CLCA4: variants seen among roughly 807,000 people sequenced by gnomAD.
The protein encoded by CLCA4 is chloride channel accessory 4, also known as calcium-activated chloride channel regulator 4.
Under a neutral mutation model 78.9 loss-of-function variants are expected in CLCA4, and 69 were observed. The ratio of observed to expected loss-of-function variants is 0.87; its 90% CI spans 0.72 to 1.07. The LOEUF (loss-of-function observed/expected upper bound fraction) is 1.07, where lower values mean the gene tolerates loss of function less well. Among genes scored for constraint, CLCA4 ranks in the 50% least tolerant of loss-of-function variants. The pLI, the probability that CLCA4 is intolerant of heterozygous loss-of-function variation, is 0.00. For missense variants in CLCA4, 1,133 were observed against 1,095.8 expected, an observed-to-expected ratio of 1.03 and a Z score of -0.48; for synonymous variants, 362 against 375.8, an observed-to-expected ratio of 0.96 and a Z score of 0.42.
Position 86,565,824 on chromosome 1 carries a change from A to T in CLCA4, c.758A>T (p.Lys253Ile). 6.5e-7 allele frequency: 1 copy of T among 1,535,054 alleles called. No homozygotes were observed. Among genetic ancestry groups the T allele is most frequent in the Non-Finnish European group, 8.8e-7 (1 of 1,141,604 alleles). ...TAGGTTGTTGAATTTTGTAACGAAA[A>T]AACCCATAATCAAGAAGCTCCAAGC... ...IDSVVEFCNE[K>I]THNQEAPSLQ... Residue 253 changes from lysine (K) to isoleucine (I), a missense_variant, in exon 6 of 14, where the codon AAA (lysine) becomes ATA (isoleucine). Physicochemically the swap from Lys to Ile is moderately radical, Grantham distance 102. Transcript: ENST00000370563.
intron 1 of CLCA4, among the ~76,000 whole-genome samples, chr1:86,548,107 C>CT (rs1190527431): frequency 1.3e-5 from 2 of 152,052 alleles, no homozygotes; most frequent in African/African-American, 2.4e-5. Context: ...CTTGTCAGCA[C>CT]TTTTTTTGTC....
At chr1:86,570,396 CTT>C (rs1483387148) in intron 7 of CLCA4, among the ~76,000 whole-genome samples, 1 of 152,008 alleles carries the variant, frequency 6.6e-6, no homozygotes, top group Non-Finnish European at 1.5e-5. Flanking sequence ...AGTTTCAAAA[CTT>C]TGAGTTTCAA....
chr1:86,578,430 T>C (rs531944751), intron 12 of CLCA4, among the ~76,000 whole-genome samples: 37 of 152,150 alleles, frequency 2.4e-4, no homozygotes, highest in African/African-American at 8.4e-4. Flanking sequence ...CCAATAGTTA[T>C]TTTTTCTGAC....
chr1:86,563,796 G>A, intron 4 of CLCA4, 27 bp downstream of exon 4: 2 of 1,270,398 alleles, frequency 1.6e-6, no homozygotes, highest in East Asian at 2.4e-5. Context: ...TTTCTAAACT[G>A]ACTTCAGGCT....
Position 86,565,929 on chromosome 1 carries a change from T to G in CLCA4, c.863T>G (p.Met288Arg). ...GAGGATTTTAAAAACACCATACCCA[T>G]GGTGACACCACCTCCTCCACCTGTC... ...NSEDFKNTIP[M>R]VTPPPPPVFS... Residue 288 changes from methionine (M) to arginine (R), a missense_variant, in exon 6 of 14, where the codon ATG becomes AGG. By Grantham distance (91) the Met-to-Arg change is moderately conservative (BLOSUM62 -1). Transcript: ENST00000370563. 2 of 1,613,408 alleles carry G rather than the reference T, an allele frequency of 1.2e-6. No homozygotes were observed. Among genetic ancestry groups the G allele is most frequent in the Non-Finnish European group, 1.7e-6 (2 of 1,179,406 alleles).
intron 1 of CLCA4, 126 bp from the exon 2 acceptor site, chr1:86,559,806 A>G: frequency 1.4e-6 from 1 of 713,672 alleles, no homozygotes; most frequent in African/African-American, 1.8e-5. Context: ...AATGAGACAG[A>G]GACCCTACTC....
chr1:86,552,975 T>C, intron 1 of CLCA4: 2 of 628,904 alleles, frequency 3.2e-6, no homozygotes, highest in East Asian at 2.7e-5. Flanking sequence ...GGTTAGAAAC[T>C]GAGCCCTGTG....
At chr1:86,564,703 TA>T (rs1223588267) in intron 4 of CLCA4, among the ~76,000 whole-genome samples, 1 of 152,176 alleles carries the variant, frequency 6.6e-6, no homozygotes, top group Non-Finnish European at 1.5e-5. Context: ...TGTGGTCAAT[TA>T]CATTCCATAA....
chr1:86,572,203 G>C (rs1650370030), intron 8 of CLCA4, among the ~76,000 whole-genome samples: 1 of 152,006 alleles, frequency 6.6e-6, no homozygotes, highest in South Asian at 2.1e-4. Flanking sequence ...AGTCAACTTT[G>C]TTAGAACTAA....
intron 9 of CLCA4, 118 bp from the exon 10 acceptor site, chr1:86,574,422 G>C: frequency 2.8e-6 from 2 of 711,142 alleles, no homozygotes; most frequent in Non-Finnish European, 4.8e-6. Flanking sequence ...GAGATCACAA[G>C]TCTAAGGTGG....
rs565258392 is a variant in CLCA4 at position 86,571,376 on chromosome 1, T to C, written c.1360+122T>C. On this transcript the variant is annotated intron_variant, in intron 8 of 13. Coordinates refer to ENST00000370563, the MANE Select transcript of CLCA4 (RefSeq NM_012128.4). ...CACTGAAGCTGGGGACCAGACCCAA[T>C]CTCTGTTCTCGTGGCACTTGGAGTC... 3 of 881,110 alleles carry C rather than the reference T, an allele frequency of 3.4e-6. No homozygotes were observed. The South Asian group carries it at 6.5e-5, about 19-fold the overall frequency. 54.6% of individuals were successfully genotyped at this position (881,110 alleles called of 1,614,324 possible).
At chr1:86,553,127 TCTC>T (rs1233077758) in intron 1 of CLCA4, 1 of 810,412 alleles carries the variant, frequency 1.2e-6, no homozygotes. Flanking sequence ...TCCTGCGTCA[TCTC>T]CTCTTGGATC....
At chr1:86,560,434 C>T in intron 3 of CLCA4, 76 bp downstream of exon 3, 3 of 1,463,626 alleles carry the variant, frequency 2.0e-6, no homozygotes, top group Non-Finnish European at 2.8e-6. Flanking sequence ...GTGTGCAGGC[C>T]ATGGGGCCAA....
intron 11 of CLCA4, 106 bp from the exon 12 acceptor site, chr1:86,577,796 A>T (rs1650563042): frequency 1.5e-5 from 12 of 821,362 alleles, no homozygotes; most frequent in Non-Finnish European, 2.3e-5. Context: ...TCAATCTAAA[A>T]ATATTAAGCC....
At chr1:86,547,360 T>C in intron 1 of CLCA4, 82 bp downstream of exon 1, 4 of 1,110,820 alleles carry the variant, frequency 3.6e-6, no homozygotes, top group Non-Finnish European at 5.0e-6. Flanking sequence ...TACATATTTA[T>C]GGCATACAAA....
At position 86,552,537 on chromosome 1, in the gene CLCA4, G is replaced by A. The variant is rs1333245275; in HGVS notation, c.159+5259G>A. 11 of 510,276 alleles carry A rather than the reference G, an allele frequency of 2.2e-5. No individual in the cohort carries two copies. In the Admixed American group the frequency reaches 3.8e-4, roughly 17 times the overall value. The allele number at this position is 510,276 out of a possible 1,614,324, so 31.6% of individuals were successfully genotyped here. A position where few individuals can be genotyped will look rare whatever the true frequency, so the allele number is the denominator to read the frequency against. ...AGACAGGGCAGCAAGGCTGGGCAGC[G>A]GGCGGCAGGCGCACCCTCTACGGGA... On this transcript the variant is annotated intron_variant, in intron 1 of 13. Coordinates refer to ENST00000370563, the MANE Select transcript of CLCA4 (RefSeq NM_012128.4).
At chr1:86,550,445 A>C (rs1649619231) in intron 1 of CLCA4, among the ~76,000 whole-genome samples, 1 of 152,174 alleles carries the variant, frequency 6.6e-6, no homozygotes, top group African/African-American at 2.4e-5. Flanking sequence ...CTATAAGTAC[A>C]AGCAGAAATT....
intron 7 of CLCA4, among the ~76,000 whole-genome samples, chr1:86,569,443 T>C (rs1308389005): frequency 3.3e-5 from 5 of 151,980 alleles, no homozygotes; most frequent in Non-Finnish European, 7.4e-5. Context: ...CTTCAAAAAA[T>C]ATGAGGCTTG....
Position 86,574,763 on chromosome 1 carries a change from A to G in CLCA4, c.1683+8A>G. On this transcript the variant is annotated splice_region_variant and intron_variant, in intron 10 of 13. Transcript: ENST00000370563. ...ATTCCAGGAACTGCAAAGGTAAGCAATCAGCTTTTAGACTTCCTGTCAACA... is the reference window on the plus strand; with the variant it reads ...ATTCCAGGAACTGCAAAGGTAAGCAGTCAGCTTTTAGACTTCCTGTCAACA... 1.3e-6 allele frequency: 2 copies of G among 1,598,242 alleles called. No homozygotes were observed. Among genetic ancestry groups the G allele is most frequent in the South Asian group, 2.2e-5 (2 of 90,670 alleles).
Sources: allele counts gnomAD v4.1 joint callset (sites outside exome capture counted in the v4.1 genomes callset), GRCh38; gene constraint gnomAD v4.1.1; transcripts MANE v1.5; gene names NCBI Gene and HGNC (gene_info 2026-07-23, HGNC 2026-07-21).